Variants in SLC24A3 observed in about 807,000 individuals in gnomAD.
The protein encoded by SLC24A3 is solute carrier family 24 member 3.
In SLC24A3, 28 loss-of-function variants were observed where a neutral mutation model predicts 75.8. That is an observed-to-expected ratio of 0.37 (90% CI 0.27 to 0.51). The LOEUF (loss-of-function observed/expected upper bound fraction) is 0.51. Among genes scored for constraint, SLC24A3 ranks in the 20% least tolerant of loss-of-function variants. The probability of loss-of-function intolerance (pLI) is 0.94; values close to 1 mark genes in which losing one functional copy is unlikely to be tolerated. For synonymous variants in SLC24A3, 372 were observed against 334.1 expected (o/e 1.11, Z -1.24); for missense variants, 663 against 847.8 (o/e 0.78, Z 2.71).
At chr20:19,644,726 C>T (rs1057157948) in intron 6 of SLC24A3, among the ~76,000 whole-genome samples, 3 of 152,168 alleles carry the variant, frequency 2.0e-5, no homozygotes, top group African/African-American at 7.2e-5. Context: ...CCTCCTCCAC[C>T]TGAATTCTTA....
intron 2 of SLC24A3, among the ~76,000 whole-genome samples, chr20:19,313,441 C>T (rs1984509774): frequency 6.6e-6 from 1 of 152,120 alleles, no homozygotes; most frequent in Non-Finnish European, 1.5e-5. Context: ...TCAGAGCCTT[C>T]CAAGGAAAAG....
intron 11 of SLC24A3, 38 bp from the exon 12 acceptor site, chr20:19,685,062 C>T: frequency 6.4e-7 from 1 of 1,559,866 alleles, no homozygotes; most frequent in Non-Finnish European, 8.7e-7. Context: ...ATTTGCAATC[C>T]CTCTGACCGT....
chr20:19,543,424 A>T (rs2030535775), intron 3 of SLC24A3, among the ~76,000 whole-genome samples: 2 of 152,240 alleles, frequency 1.3e-5, no homozygotes, highest in African/African-American at 2.4e-5. Context: ...GAGCCTCTGG[A>T]GGGCCCGAAC....
At chr20:19,241,513 C>T (rs1189956377) in intron 1 of SLC24A3, among the ~76,000 whole-genome samples, 2 of 152,168 alleles carry the variant, frequency 1.3e-5, no homozygotes, top group Non-Finnish European at 2.9e-5. Flanking sequence ...AGGAGAATCT[C>T]ACCCAGTCTC....
chr20:19,524,011 G>T (rs1027082915), intron 3 of SLC24A3, among the ~76,000 whole-genome samples: 1 of 152,140 alleles, frequency 6.6e-6, no homozygotes, highest in Non-Finnish European at 1.5e-5. Context: ...ACAGACAGGG[G>T]ATTGGTGGTG....
At chr20:19,637,360 T>C (rs1568681202) in intron 6 of SLC24A3, among the ~76,000 whole-genome samples, 1 of 152,090 alleles carries the variant, frequency 6.6e-6, no homozygotes, top group Non-Finnish European at 1.5e-5. Flanking sequence ...TAAAATATAA[T>C]GAAAAGGACC....
chr20:19,589,903 C>T (rs1480127752), intron 6 of SLC24A3, among the ~76,000 whole-genome samples: 2 of 152,052 alleles, frequency 1.3e-5, no homozygotes, highest in African/African-American at 2.4e-5. Flanking sequence ...AATTTGAGCT[C>T]ACATCAGTTG....
chr20:19,414,943 T>C (rs754823208), intron 2 of SLC24A3, among the ~76,000 whole-genome samples: 36 of 152,382 alleles, frequency 2.4e-4, no homozygotes, highest in Admixed American at 6.5e-4. Context: ...TATTGAGTTT[T>C]CTCCCACTTC....
chr20:19,679,501 C>CGGACAGGGAGACCGTGG (rs2032581708), intron 9 of SLC24A3, among the ~76,000 whole-genome samples: 1 of 107,118 alleles, frequency 9.3e-6, no homozygotes, highest in Admixed American at 9.8e-5. Context: ...TGGAAAGAGA[C>CGGACAGGGAGACCGTGG]GGAGAGGGAG....
chr20:19,320,196 G>A (rs1249383327), intron 2 of SLC24A3, among the ~76,000 whole-genome samples: 2 of 152,190 alleles, frequency 1.3e-5, no homozygotes, highest in Non-Finnish European at 2.9e-5. Flanking sequence ...GTTTTCTGTC[G>A]GGCGCCGACG....
At chr20:19,571,314 A>C (rs2122622129) in intron 3 of SLC24A3, among the ~76,000 whole-genome samples, 1 of 152,290 alleles carries the variant, frequency 6.6e-6, no homozygotes, top group Non-Finnish European at 1.5e-5. Context: ...CAGAGCCTTC[A>C]TTCAGAGGGT....
chr20:19,285,477 CAAAAAA>C (rs35866612), intron 2 of SLC24A3, among the ~76,000 whole-genome samples: 1,282 of 43,004 alleles, frequency 0.03, 9 homozygotes, highest in South Asian at 0.092. Context: ...GACCCTGTCT[CAAAAAA>C]AAAAAAAAAA....
chr20:19,684,043 G>GGATA (rs755292600), intron 10 of SLC24A3, 133 bp from the exon 11 acceptor site: 17 of 971,646 alleles, frequency 1.7e-5, no homozygotes, highest in Non-Finnish European at 2.6e-5. Flanking sequence ...GTGGATGAGT[G>GGATA]GATAGATGGA....
intron 1 of SLC24A3, among the ~76,000 whole-genome samples, chr20:19,231,906 C>T (rs192317496): frequency 6.6e-6 from 1 of 152,196 alleles, no homozygotes; most frequent in Non-Finnish European, 1.5e-5. Flanking sequence ...TTTATTAGCT[C>T]ATTTTATTGT....
intron 6 of SLC24A3, among the ~76,000 whole-genome samples, chr20:19,628,382 A>G (rs1398112492): frequency 5.9e-5 from 9 of 152,088 alleles, no homozygotes; most frequent in Admixed American, 5.2e-4. Flanking sequence ...CAATGTATAA[A>G]CCACATTGCC....
intron 3 of SLC24A3, among the ~76,000 whole-genome samples, chr20:19,575,337 A>G (rs1188789465): frequency 6.6e-6 from 1 of 151,636 alleles, no homozygotes; most frequent in Non-Finnish European, 1.5e-5. Context: ...TCATATATAG[A>G]GAGCCCATGC....
At chr20:19,531,579 G>T (rs1269098509) in intron 3 of SLC24A3, among the ~76,000 whole-genome samples, 1 of 152,218 alleles carries the variant, frequency 6.6e-6, no homozygotes, top group Non-Finnish European at 1.5e-5. Flanking sequence ...AAGGCTTGGA[G>T]GAAGAATTAG....
intron 2 of SLC24A3, among the ~76,000 whole-genome samples, chr20:19,514,166 C>T (rs1483343197): frequency 6.6e-6 from 1 of 152,186 alleles, no homozygotes; most frequent in Non-Finnish European, 1.5e-5. Context: ...TTGCACAAAT[C>T]CTCCGGGCAA....
chr20:19,592,612 G>T (rs1191301362), intron 6 of SLC24A3, among the ~76,000 whole-genome samples: 1 of 152,030 alleles, frequency 6.6e-6, no homozygotes, highest in Non-Finnish European at 1.5e-5. Flanking sequence ...AGAAAAGCAG[G>T]AACCTCTCGT....
Sources: allele counts gnomAD v4.1 joint callset (sites outside exome capture counted in the v4.1 genomes callset), GRCh38; gene constraint gnomAD v4.1.1; transcripts MANE v1.5; gene names NCBI Gene and HGNC (gene_info 2026-07-23, HGNC 2026-07-21).